The following SNX1 variants were observed in gnomAD, a reference collection of about 807,000 sequenced individuals.
The protein encoded by SNX1 is sorting nexin-1.
In SNX1, 36 loss-of-function variants were observed where a neutral mutation model predicts 71.8. That is an observed-to-expected ratio of 0.50 (90% CI 0.38 to 0.66). The LOEUF is 0.66. Among genes scored for constraint, SNX1 ranks in the 30% least tolerant of loss-of-function variants. The pLI is 0.00. For missense variants in SNX1, 612 were observed against 646.7 expected, an observed-to-expected ratio of 0.95 and a Z score of 0.58; for synonymous variants, 254 against 240.7, an observed-to-expected ratio of 1.06 and a Z score of -0.51.
intron 1 of SNX1, among the ~76,000 whole-genome samples, chr15:64,102,086 C>T (rs2080968410): frequency 6.6e-6 from 1 of 151,740 alleles, no homozygotes; most frequent in East Asian, 1.9e-4. Flanking sequence ...TTTGTAGATA[C>T]CAAGTTTTTT....
rs79715842 is a variant in SNX1, at chr15:64,129,348, C to G, written c.808-568C>G. ...TGCTATAGATTTTTCAGCGTCCTTT[C>G]CATGCCCTAGGAGAGTACTGGGGAG... is the stretch of plus-strand genomic sequence containing the variant. On this transcript the variant is annotated intron_variant, in intron 8 of 14. Transcript: ENST00000559844. The surrounding 1 kb of genome is among the most constrained non-coding windows in gnomAD (Gnocchi z 4.4). Among the ~76,000 whole-genome samples, 142 of 152,178 alleles carry G rather than the reference C, an allele frequency of 9.3e-4. 1 individual carries two copies. The highest frequency in any genetic ancestry group is 3.3e-3 in the African/African-American group (135 of 41,522).
intron 1 of SNX1, among the ~76,000 whole-genome samples, chr15:64,104,198 A>G (rs910614239): frequency 6.6e-6 from 1 of 151,804 alleles, no homozygotes; most frequent in Non-Finnish European, 1.5e-5. Flanking sequence ...TGTACTAGCA[A>G]TTAACTTAGC....
intron 2 of SNX1, 74 bp downstream of exon 2, chr15:64,112,758 CCA>C: frequency 2.5e-6 from 2 of 803,556 alleles, no homozygotes; most frequent in Non-Finnish European, 3.8e-6. Context: ...AAAGTCAAAA[CCA>C]AAAAAAAAAA....
rs150487315 is a variant in SNX1 at position 64,127,267 on chromosome 15, G to A, written c.731+15G>A. Reference sequence around the variant, plus strand: ...GCTTTAGAAAGGTAAGTGCCATGCAGCCATTTTCCTGAATAATGTGAGGAC... The same window carrying A: ...GCTTTAGAAAGGTAAGTGCCATGCAACCATTTTCCTGAATAATGTGAGGAC... On this transcript the variant is annotated intron_variant, in intron 7 of 14. Coordinates refer to ENST00000559844, the MANE Select transcript of SNX1 (RefSeq NM_003099.5). The A allele has an allele frequency of 1.1e-5, 17 of 1,599,976 alleles. No individual in the cohort carries two copies. In the East Asian group the frequency reaches 3.6e-4, roughly 34 times the overall value.
At chr15:64,110,860 A>T (rs1411781441) in intron 1 of SNX1, among the ~76,000 whole-genome samples, 2 of 152,190 alleles carry the variant, frequency 1.3e-5, no homozygotes, top group Non-Finnish European at 2.9e-5. Flanking sequence ...TTAACCTTCC[A>T]AGTTAAGTGG....
At position 64,131,669 on chromosome 15, in the gene SNX1, GTCTT is replaced by G. The variant is rs759303170; in HGVS notation, c.1016-16_1016-13del. On this transcript the variant is annotated splice_polypyrimidine_tract_variant and intron_variant, in intron 10 of 14. Transcript: ENST00000559844. ...TTGTGAGATCAGAGAGGCCTCTGCTGTCTTTTCCTCCTTCCAGAGCTAGCGCTGA... is the reference window on the plus strand; with the variant it reads ...TTGTGAGATCAGAGAGGCCTCTGCTGTTCCTCCTTCCAGAGCTAGCGCTGA... 7.1e-4 allele frequency: 1,145 copies of G among 1,612,646 alleles called. No individual in the cohort carries two copies. Among genetic ancestry groups the G allele is most frequent in the Non-Finnish European group, 9.1e-4 (1,071 of 1,179,234 alleles).
At chr15:64,104,606 C>T (rs149880267) in intron 1 of SNX1, among the ~76,000 whole-genome samples, 157 of 151,306 alleles carry the variant, frequency 1.0e-3, no homozygotes, top group African/African-American at 3.6e-3. Context: ...GCTAATAGGC[C>T]GGGCACTGTG....
Position 64,138,327 on chromosome 15 carries a change from T to C in SNX1, c.*709T>C, listed in dbSNP as rs58621982. The C allele has an allele frequency of 0.081, 31,866 of 395,488 alleles. 292 individuals carry two copies. Among genetic ancestry groups the C allele is most frequent in the South Asian group, 0.17 (2,505 of 14,456 alleles). The allele number at this position is 395,488 out of a possible 1,614,324, so 24.5% of individuals were successfully genotyped here. ...GGAGGCAGAGACTTTCTCTCTCTCT[T>C]TTTTTTTTTTTTTTGGTGTCCCTAT... On this transcript the variant is annotated 3_prime_UTR_variant, in exon 15 of 15. Coordinates refer to ENST00000559844, the MANE Select transcript of SNX1 (RefSeq NM_003099.5).
chr15:64,121,776 T>G (rs1216770959), intron 4 of SNX1, among the ~76,000 whole-genome samples: 2 of 152,248 alleles, frequency 1.3e-5, no homozygotes, highest in Admixed American at 1.3e-4. Context: ...TTAGTCATGT[T>G]GATGCCAAGA....
At chr15:64,115,495 G>A in intron 2 of SNX1, 2 of 370,826 alleles carry the variant, frequency 5.4e-6, no homozygotes, top group South Asian at 3.9e-5. Flanking sequence ...AGAAAAGCAT[G>A]TTTTAATATA....
Position 64,134,127 on chromosome 15 carries a change from A to G in SNX1, c.1222-537A>G, listed in dbSNP as rs1204680733. The G allele has an allele frequency of 6.6e-6, 1 of 152,310 alleles. No individual in the cohort carries two copies. The highest frequency in any genetic ancestry group is 1.5e-5 in the Non-Finnish European group (1 of 68,110). The allele number at this position is 152,310 out of a possible 1,614,324, so 9.4% of individuals were successfully genotyped here. Reference sequence around the variant, plus strand: ...GGTCCTTAGGGTGGACTTCCCTGACATATTTCCCAGGCTAAGCTAGGCCTC... The same window carrying G: ...GGTCCTTAGGGTGGACTTCCCTGACGTATTTCCCAGGCTAAGCTAGGCCTC... On this transcript the variant is annotated intron_variant, in intron 11 of 14. Coordinates refer to ENST00000559844, the MANE Select transcript of SNX1 (RefSeq NM_003099.5). This position sits in a 1 kb window ranked among gnomAD's most constrained non-coding sequence, Gnocchi z 4.1.
At chr15:64,103,026 C>T (rs900797781) in intron 1 of SNX1, among the ~76,000 whole-genome samples, 1 of 152,070 alleles carries the variant, frequency 6.6e-6, no homozygotes, top group African/African-American at 2.4e-5. Context: ...CTTGGCCTCC[C>T]GAAGTGTTGG....
chr15:64,098,282 G>A (rs578068398), intron 1 of SNX1, among the ~76,000 whole-genome samples: 18 of 152,240 alleles, frequency 1.2e-4, no homozygotes, highest in Non-Finnish European at 1.8e-4. Context: ...CTGGAATGAT[G>A]TGCAGACTGA....
rs2081095171 is a variant in SNX1, at chr15:64,113,210, G to A, written c.271+526G>A. Among the ~76,000 whole-genome samples the A allele has an allele frequency of 2.0e-5, 3 of 152,192 alleles. No individual in the cohort carries two copies. The South Asian group carries it at 6.2e-4, about 32-fold the overall frequency. On this transcript the variant is annotated intron_variant, in intron 2 of 14. Coordinates refer to ENST00000559844, the MANE Select transcript of SNX1 (RefSeq NM_003099.5). ...AATTGATTTCACAATCCACCAACAA[G>A]CTGTAACCTCCAGTTTGAAAAACAC... is the stretch of plus-strand genomic sequence containing the variant.
chr15:64,116,947 G>A (rs574785644), intron 2 of SNX1, among the ~76,000 whole-genome samples: 2 of 152,256 alleles, frequency 1.3e-5, no homozygotes, highest in African/African-American at 4.8e-5. Context: ...GTTTTGAGTA[G>A]GAAGATTTTC....
intron 1 of SNX1, among the ~76,000 whole-genome samples, chr15:64,109,490 TTTTTGTTTTGTTTTG>T (rs142477216): frequency 2.7e-5 from 4 of 149,710 alleles, no homozygotes; most frequent in South Asian, 2.1e-4. Context: ...CTAGTGAAGA[TTTTTGTTTTGTTTTG>T]TTTTGTTTTG....
chr15:64,101,662 A>T (rs1365132428), intron 1 of SNX1, among the ~76,000 whole-genome samples: 1 of 152,100 alleles, frequency 6.6e-6, no homozygotes, highest in Admixed American at 6.5e-5. Context: ...TCTATTTTCA[A>T]TTGTTTGAAG....
chr15:64,106,960 A>T (rs1309068722), intron 1 of SNX1, among the ~76,000 whole-genome samples: 1 of 152,226 alleles, frequency 6.6e-6, no homozygotes, highest in Non-Finnish European at 1.5e-5. Context: ...AAAAACTAAT[A>T]GGCTGTCCCA....
At position 64,129,511 on chromosome 15, in the gene SNX1, G is replaced by A. The variant is rs912120565; in HGVS notation, c.808-405G>A. On this transcript the variant is annotated intron_variant, in intron 8 of 14. Transcript: ENST00000559844. This position sits in a 1 kb window ranked among gnomAD's most constrained non-coding sequence, Gnocchi z 4.4. ...ACTGAAGAAAATTCGAACACAGCAC[G>A]ATTTCAGTGTCTTAAGACTTTTAAG... Among the ~76,000 whole-genome samples, 2 of 152,176 alleles carry A rather than the reference G, an allele frequency of 1.3e-5. No individual in the cohort carries two copies. The highest frequency in any genetic ancestry group is 2.1e-4 in the South Asian group (1 of 4,830).
Sources: gnomAD v4.1 joint callset for allele counts (sites outside exome capture counted in the v4.1 genomes callset) on GRCh38, gnomAD v4.1.1 for gene constraint, Gnocchi (gnomAD v3.1) non-coding constraint, MANE v1.5 for transcripts, NCBI Gene and HGNC (gene_info 2026-07-23, HGNC 2026-07-21) for gene names.